Variants in TCF15 observed in about 807,000 individuals in gnomAD.
TCF15 encodes transcription factor 15.
In TCF15, 7 loss-of-function variants were observed where a neutral mutation model predicts 11.1. The ratio of observed to expected loss-of-function variants is 0.63; its 90% CI spans 0.36 to 1.19. The LOEUF (loss-of-function observed/expected upper bound fraction) is 1.19, where lower values mean the gene tolerates loss of function less well. Ranked by LOEUF, TCF15 falls within the 50% of genes most tolerant of loss-of-function variation. The pLI, the probability that TCF15 is intolerant of heterozygous loss-of-function variation, is 0.02. For synonymous variants in TCF15, 144 were observed against 138.9 expected (o/e 1.04, Z -0.26); for missense variants, 288 against 289.4 (o/e 1.00, Z 0.03).
intron 1 of TCF15, among the ~76,000 whole-genome samples, chr20:608,609 G>A (rs2019996167): frequency 6.6e-6 from 1 of 152,228 alleles, no homozygotes; most frequent in Non-Finnish European, 1.5e-5. Context: ...CAGACAGAGG[G>A]TGGTCTCAGG....
Position 604,633 on chromosome 20 carries a change from C to G in TCF15, c.558G>C (p.Leu186Phe). 1 of 1,554,370 alleles carries G rather than the reference C, an allele frequency of 6.4e-7. No homozygotes were observed. Among genetic ancestry groups the G allele is most frequent in the Non-Finnish European group, 8.7e-7 (1 of 1,148,396 alleles). ...GGRRDLGGSC[L>F]KVRGVAPLRG... ...GAAGGGGGGCCACCCCCCTCACCTT[C>G]AAGCAGCTGCCCCCCAGGTCACGAC... The change falls in exon 2 of 2, where the codon TTG becomes TTC. Residue 186 changes from leucine (L) to phenylalanine (F), a missense_variant. Leu to Phe is a conservative substitution (Grantham distance 22). Coordinates refer to ENST00000246080, the MANE Select transcript of TCF15 (RefSeq NM_004609.4). This position sits in a 1 kb window ranked among gnomAD's most constrained non-coding sequence, Gnocchi z 4.2.
Position 609,783 on chromosome 20 carries a change from G to A in TCF15, c.455C>T (p.Pro152Leu). ...RAAGSAKGAV[P>L]AAADGGRQPR... ...CTGGCGGCCGCCGTCGGCGGCGGCG[G>A]GGACGGCGCCCTTGGCACTGCCCGC... Residue 152 changes from proline to leucine, a missense_variant, in exon 1 of 2, where the codon CCC becomes CTC. By Grantham distance (98) the Pro-to-Leu change is moderately conservative. Coordinates refer to ENST00000246080, the MANE Select transcript of TCF15 (RefSeq NM_004609.4). The surrounding 1 kb of genome is among the most constrained non-coding windows in gnomAD (Gnocchi z 4.7). 7.0e-7 allele frequency: 1 copy of A among 1,421,580 alleles called. No individual in the cohort carries two copies. The highest frequency in any genetic ancestry group is 1.5e-5 in the South Asian group (1 of 65,530). The allele number at this position is 1,421,580 out of a possible 1,614,324, so 88.1% of individuals were successfully genotyped here. A position where few individuals can be genotyped will look rare whatever the true frequency, so the allele number is the denominator to read the frequency against.
At chr20:606,042 T>C (rs1188783701) in intron 1 of TCF15, among the ~76,000 whole-genome samples, 1 of 152,136 alleles carries the variant, frequency 6.6e-6, no homozygotes, top group Admixed American at 6.5e-5. Context: ...ATCTGGGAGC[T>C]CTGTCCCCTG....
At position 609,847 on chromosome 20, in the gene TCF15, C is replaced by T. The variant is rs1568617764; in HGVS notation, c.391G>A (p.Gly131Ser). 1.3e-6 allele frequency: 2 copies of T among 1,528,908 alleles called. No individual in the cohort carries two copies. The highest frequency in any genetic ancestry group is 1.7e-6 in the Non-Finnish European group (2 of 1,148,932). 94.7% of individuals were successfully genotyped at this position (1,528,908 alleles called of 1,614,324 possible). A position where few individuals can be genotyped will look rare whatever the true frequency, so the allele number is the denominator to read the frequency against. Residue 131 changes from glycine to serine, a missense_variant, in exon 1 of 2, where the codon GGC becomes AGC. Coordinates refer to ENST00000246080, the MANE Select transcript of TCF15 (RefSeq NM_004609.4). The surrounding 1 kb of genome is among the most constrained non-coding windows in gnomAD (Gnocchi z 4.7). ...GGCTGCCCGTCGTCGGCCGAGTCGC[C>T]CAGCAGCAGCACGTTGGCCAGGTGC... ...IAHLANVLLL[G>S]DSADDGQPCF... is the part of the protein sequence containing the mutation.
Position 610,059 on chromosome 20 carries a change from C to CCCGCCCG in TCF15, c.172_178dup (p.Gly60AlafsTer123). The CCCGCCCG allele has an allele frequency of 2.8e-6, 3 of 1,067,510 alleles. No individual in the cohort carries two copies. The highest frequency in any genetic ancestry group is 3.4e-6 in the Non-Finnish European group (3 of 884,466). 66.1% of individuals were successfully genotyped at this position (1,067,510 alleles called of 1,614,324 possible). ...CACGGGGCCCGCGCCGCCGCCGCCGCCCGCCCGCCGCCCGCCCCCGGGGCC... is the reference window on the plus strand; with the variant it reads ...CACGGGGCCCGCGCCGCCGCCGCCGCCCGCCCGCCGCCCGCCGCCCGCCCCCGGGGCC... On this transcript the variant is annotated frameshift_variant, in exon 1 of 2. Coordinates refer to ENST00000246080, the MANE Select transcript of TCF15 (RefSeq NM_004609.4). LOFTEE classifies it high-confidence loss of function.
chr20:609,930 G>A lies in TCF15; in HGVS notation c.308C>T (p.Pro103Leu), dbSNP rs1268047087. Reference sequence around the variant, plus strand: ...GATCTTGGACAGCTTGCGGTCCACCGGCTCGGTGGGGATGAGCGTGCGCAG... The same window carrying A: ...GATCTTGGACAGCTTGCGGTCCACCAGCTCGGTGGGGATGAGCGTGCGCAG... ...TALRTLIPTE[P>L]VDRKLSKIET... The change falls in exon 1 of 2, where the codon CCG becomes CTG. Residue 103 changes from proline (P) to leucine (L), a missense_variant. By Grantham distance (98) the Pro-to-Leu change is moderately conservative (BLOSUM62 -3). Coordinates refer to ENST00000246080, the MANE Select transcript of TCF15 (RefSeq NM_004609.4). The surrounding 1 kb of genome is among the most constrained non-coding windows in gnomAD (Gnocchi z 4.7). The A allele has an allele frequency of 6.6e-7, 1 of 1,515,888 alleles. No individual in the cohort carries two copies. The highest frequency in any genetic ancestry group is 2.0e-5 in the Admixed American group (1 of 48,978). The allele number at this position is 1,515,888 out of a possible 1,614,324, so 93.9% of individuals were successfully genotyped here.
chr20:604,583 G>T lies in TCF15; in HGVS notation c.*8C>A. The T allele has an allele frequency of 1.3e-6, 2 of 1,551,902 alleles. No individual in the cohort carries two copies. Among genetic ancestry groups the T allele is most frequent in the Non-Finnish European group, 8.7e-7 (1 of 1,147,148 alleles). On this transcript the variant is annotated 3_prime_UTR_variant, in exon 2 of 2. Coordinates refer to ENST00000246080, the MANE Select transcript of TCF15 (RefSeq NM_004609.4). The surrounding 1 kb of genome is among the most constrained non-coding windows in gnomAD (Gnocchi z 4.2). ...CTGGCTCCTGGCCTCCTTCTCCAGG[G>T]TCCAGGCTCATCTCCGTGGCCCTCG...
Position 609,710 on chromosome 20 carries a change from CA to C in TCF15, c.525+2del. 1.6e-5 allele frequency: 22 copies of C among 1,370,194 alleles called. No individual in the cohort carries two copies. The highest frequency in any genetic ancestry group is 2.0e-5 in the Non-Finnish European group (22 of 1,074,356). 84.9% of individuals were successfully genotyped at this position (1,370,194 alleles called of 1,614,324 possible). ...GCCGCAGCGAGGGACGCAGCACACT[CA>C]CCCCCTTGCGCTGGTTGCTGAGGCA... On this transcript the variant is annotated splice_donor_variant, in intron 1 of 1. Coordinates refer to ENST00000246080, the MANE Select transcript of TCF15 (RefSeq NM_004609.4). LOFTEE classifies it high-confidence loss of function. This position sits in a 1 kb window ranked among gnomAD's most constrained non-coding sequence, Gnocchi z 4.7.
At chr20:608,973 A>G (rs2019999570) in intron 1 of TCF15, among the ~76,000 whole-genome samples, 1 of 152,130 alleles carries the variant, frequency 6.6e-6, no homozygotes, top group Admixed American at 6.5e-5. Flanking sequence ...CTTGCCCAGG[A>G]CACATTGCAG....
At chr20:605,740 C>G (rs1290953648) in intron 1 of TCF15, among the ~76,000 whole-genome samples, 4 of 152,196 alleles carry the variant, frequency 2.6e-5, no homozygotes, top group African/African-American at 9.6e-5. Flanking sequence ...CAGCTCTTCT[C>G]ATTGATATTT....
At position 609,132 on chromosome 20, in the gene TCF15, GCCT is replaced by G. The variant is rs1319548199; in HGVS notation, c.525+578_525+580del. ...TCAGGCTCTCGGTTGGCGGTTTGTGGCCTCCTTTCTTCTCAGTCTCCTGCTCTT... is the reference window on the plus strand; with the variant it reads ...TCAGGCTCTCGGTTGGCGGTTTGTGGCCTTTCTTCTCAGTCTCCTGCTCTT... On this transcript the variant is annotated intron_variant, in intron 1 of 1. Transcript: ENST00000246080. The surrounding 1 kb of genome is among the most constrained non-coding windows in gnomAD (Gnocchi z 4.7). 6.6e-6 allele frequency among the ~76,000 whole-genome samples: 1 copy of G among 152,078 alleles called. No homozygotes were observed. The highest frequency in any genetic ancestry group is 1.5e-5 in the Non-Finnish European group (1 of 68,016).
chr20:605,718 G>A (rs953268977), intron 1 of TCF15, among the ~76,000 whole-genome samples: 1 of 152,168 alleles, frequency 6.6e-6, no homozygotes, highest in African/African-American at 2.4e-5. Flanking sequence ...TCCTTACAGG[G>A]GCTGTCTCTA....
At position 610,263 on chromosome 20, in the gene TCF15, G is replaced by A. The variant is rs762284441; in HGVS notation, c.-26C>T. ...GGGCGCCGGCCGCGTCCCTCCGTGC[G>A]CCGCGTCCCAGCGTCGGCCGCGCCC... On this transcript the variant is annotated 5_prime_UTR_variant, in exon 1 of 2. Transcript: ENST00000246080. The A allele has an allele frequency of 3.0e-6, 3 of 989,592 alleles. No homozygotes were observed. The highest frequency in any genetic ancestry group is 3.6e-6 in the Non-Finnish European group (3 of 833,654). The allele number at this position is 989,592 out of a possible 1,614,324, so 61.3% of individuals were successfully genotyped here.
Position 604,927 on chromosome 20 carries a change from A to C in TCF15, c.526-262T>G, listed in dbSNP as rs2019960030. Among the ~76,000 whole-genome samples the C allele has an allele frequency of 6.6e-6, 1 of 152,182 alleles. No individual in the cohort carries two copies. The highest frequency in any genetic ancestry group is 2.4e-5 in the African/African-American group (1 of 41,448). On this transcript the variant is annotated intron_variant, in intron 1 of 1. Transcript: ENST00000246080. The surrounding 1 kb of genome is among the most constrained non-coding windows in gnomAD (Gnocchi z 4.2). ...TTGCTGGGGAGAAGCACACACGGGA[A>C]ATTGTGAGTGGGTTTCTTCAGAGAG... is the stretch of plus-strand genomic sequence containing the variant.
Position 609,902 on chromosome 20 carries a change from C to G in TCF15, c.336G>C (p.Glu112Asp). The change falls in exon 1 of 2, where the codon GAG becomes GAC. Residue 112 changes from glutamate (E) to aspartate (D), a missense_variant. Coordinates refer to ENST00000246080, the MANE Select transcript of TCF15 (RefSeq NM_004609.4). This position sits in a 1 kb window ranked among gnomAD's most constrained non-coding sequence, Gnocchi z 4.7. ...TGTAGCTGGACGCCAGGCGCACGGT[C>G]TCGATCTTGGACAGCTTGCGGTCCA... ...EPVDRKLSKI[E>D]TVRLASSYIA... 6.5e-7 allele frequency: 1 copy of G among 1,528,618 alleles called. No homozygotes were observed. Among genetic ancestry groups the G allele is most frequent in the Non-Finnish European group, 8.7e-7 (1 of 1,148,860 alleles). The allele number at this position is 1,528,618 out of a possible 1,614,324, so 94.7% of individuals were successfully genotyped here. A position where few individuals can be genotyped will look rare whatever the true frequency, so the allele number is the denominator to read the frequency against.
Position 610,169 on chromosome 20 carries a change from C to A in TCF15, c.69G>T (p.Glu23Asp). ...VLYPDVRLLS[E>D]DEENRSESDA... ...CGCTCTCGCTGCGGTTCTCCTCGTC[C>A]TCGCTCAGCAGCCGCACGTCCGGGT... Residue 23 changes from glutamate (E) to aspartate (D), a missense_variant, in exon 1 of 2, where the codon GAG (glutamate) becomes GAT (aspartate). Glu to Asp is a conservative substitution (Grantham distance 45). Coordinates refer to ENST00000246080, the MANE Select transcript of TCF15 (RefSeq NM_004609.4). The A allele has an allele frequency of 9.5e-7, 1 of 1,054,962 alleles. No homozygotes were observed. The highest frequency in any genetic ancestry group is 1.2e-6 in the Non-Finnish European group (1 of 869,280). 65.4% of individuals were successfully genotyped at this position (1,054,962 alleles called of 1,614,324 possible). A position where few individuals can be genotyped will look rare whatever the true frequency, so the allele number is the denominator to read the frequency against.
intron 1 of TCF15, among the ~76,000 whole-genome samples, chr20:605,033 C>T (rs2019961129): frequency 6.6e-6 from 1 of 152,126 alleles, no homozygotes; most frequent in South Asian, 2.1e-4. Flanking sequence ...GCTCTGTTGC[C>T]AGGCTGGAAT....
chr20:608,710 C>T (rs2019997217), intron 1 of TCF15, among the ~76,000 whole-genome samples: 1 of 152,234 alleles, frequency 6.6e-6, no homozygotes, highest in Non-Finnish European at 1.5e-5. Flanking sequence ...GGGCCTAACT[C>T]CAATTCCCCA....
At chr20:605,457 C>T (rs1034494906) in intron 1 of TCF15, among the ~76,000 whole-genome samples, 3 of 152,224 alleles carry the variant, frequency 2.0e-5, no homozygotes, top group African/African-American at 7.2e-5. Flanking sequence ...CTAGCACTTC[C>T]TGCCTTTCTG....
Sources: allele counts gnomAD v4.1 joint callset (sites outside exome capture counted in the v4.1 genomes callset), GRCh38; gene constraint gnomAD v4.1.1; non-coding constraint Gnocchi (gnomAD v3.1); transcripts MANE v1.5; gene names NCBI Gene and HGNC (gene_info 2026-07-23, HGNC 2026-07-21).